DOT1L: variants seen among roughly 807,000 people sequenced by gnomAD.
DOT1L encodes the protein histone-lysine N-methyltransferase, H3 lysine-79 specific.
In DOT1L, 33 loss-of-function variants were observed where a neutral mutation model predicts 153.3. The observed-to-expected ratio is 0.22, with a 90% CI of 0.16 to 0.29. DOT1L has a LOEUF of 0.29. DOT1L is among the 10% of genes least tolerant of loss of function. The probability of loss-of-function intolerance (pLI) is 1.00; values close to 1 mark genes in which losing one functional copy is unlikely to be tolerated. For synonymous variants in DOT1L, 1,135 were observed against 965.1 expected (o/e 1.18, Z -3.26); for missense variants, 1,847 against 2,119.9 (o/e 0.87, Z 2.53).
intron 7 of DOT1L, among the ~76,000 whole-genome samples, chr19:2,199,191 C>A (rs1374056882): frequency 6.6e-6 from 1 of 152,234 alleles, no homozygotes; most frequent in Non-Finnish European, 1.5e-5. Flanking sequence ...GTCTTGAGGT[C>A]TGGAGGTGGA....
chr19:2,212,712 AG>A (rs1232543530), intron 16 of DOT1L: 1 of 152,304 alleles, frequency 6.6e-6, no homozygotes, highest in Non-Finnish European at 1.5e-5. Flanking sequence ...CGATCCAAGC[AG>A]GGGCCTAGTA....
At chr19:2,200,739 C>T (rs1335393010) in intron 8 of DOT1L, among the ~76,000 whole-genome samples, 1 of 151,384 alleles carries the variant, frequency 6.6e-6, no homozygotes, top group Non-Finnish European at 1.5e-5. Context: ...TCCTCATCTT[C>T]CCTGTATTCC....
At chr19:2,202,851 G>A (rs2023343848) in intron 9 of DOT1L, 72 bp downstream of exon 9, 3 of 1,526,940 alleles carry the variant, frequency 2.0e-6, no homozygotes, top group Non-Finnish European at 2.7e-6. Flanking sequence ...GGTCCCCGCA[G>A]GGTGTCCTGC....
Position 2,185,786 on chromosome 19 carries a change from A to G in DOT1L, c.126-69A>G, listed in dbSNP as rs144855675. On this transcript the variant is annotated intron_variant, in intron 2 of 27. Coordinates refer to ENST00000398665, the MANE Select transcript of DOT1L (RefSeq NM_032482.3). ...TCCGTCTCAAAACAAAAACAAAAAC[A>G]AAAACAAAACACAAAACAAAACAAA... The G allele has an allele frequency of 3.1e-4, 493 of 1,565,438 alleles. 2 individuals carry two copies. In the African/African-American group the frequency reaches 5.6e-3, roughly 18 times the overall value.
intron 1 of DOT1L, among the ~76,000 whole-genome samples, chr19:2,173,577 G>A (rs912078270): frequency 6.6e-6 from 1 of 152,172 alleles, no homozygotes; most frequent in Non-Finnish European, 1.5e-5. Context: ...AACCTGGAAC[G>A]TGCAGACACT....
intron 27 of DOT1L, chr19:2,228,614 G>A (rs952652861): frequency 3.6e-5 from 35 of 985,262 alleles, no homozygotes; most frequent in South Asian, 4.7e-5. Flanking sequence ...GGGTTCCTGC[G>A]GTGACGCCGC....
At chr19:2,182,783 T>G (rs2022302976) in intron 2 of DOT1L, among the ~76,000 whole-genome samples, 3 of 152,138 alleles carry the variant, frequency 2.0e-5, no homozygotes, top group Admixed American at 1.3e-4. Context: ...GGCCCCCGGA[T>G]CTCAGGCAGT....
intron 3 of DOT1L, among the ~76,000 whole-genome samples, chr19:2,189,304 C>T (rs1022158308): frequency 1.3e-5 from 2 of 152,280 alleles, no homozygotes; most frequent in East Asian, 1.9e-4. Context: ...AGACCCCAGC[C>T]GTTCACCTGC....
chr19:2,218,745 G>A (rs2024004107), intron 22 of DOT1L, among the ~76,000 whole-genome samples: 1 of 151,698 alleles, frequency 6.6e-6, no homozygotes, highest in South Asian at 2.1e-4. Flanking sequence ...CCCCCAGGCT[G>A]GAGTGCAATT....
rs564572542 is a variant in DOT1L at position 2,197,897 on chromosome 19, C to G, written c.652-1987C>G. On this transcript the variant is annotated intron_variant, in intron 7 of 27. Transcript: ENST00000398665. This position sits in a 1 kb window ranked among gnomAD's most constrained non-coding sequence, Gnocchi z 4.1. ...TGTTCCCTGCCCTTTCTGATGGAAA[C>G]TTGCATCTGATATTGGAGGAAACCC... 6.6e-6 allele frequency among the ~76,000 whole-genome samples: 1 copy of G among 152,302 alleles called. No individual in the cohort carries two copies. The highest frequency in any genetic ancestry group is 6.5e-5 in the Admixed American group (1 of 15,308).
At chr19:2,175,045 C>A (rs796614570) in intron 1 of DOT1L, among the ~76,000 whole-genome samples, 57 of 149,234 alleles carry the variant, frequency 3.8e-4, no homozygotes, top group African/African-American at 1.1e-3. Flanking sequence ...GTTGCCCAGG[C>A]TGGAGTGCAG....
chr19:2,181,045 G>T (rs375798260), intron 2 of DOT1L, among the ~76,000 whole-genome samples: 1 of 152,162 alleles, frequency 6.6e-6, no homozygotes, highest in East Asian at 1.9e-4. Flanking sequence ...TGGGTTTTGG[G>T]CCGACCTTCA....
chr19:2,183,478 C>G (rs997686172), intron 2 of DOT1L, among the ~76,000 whole-genome samples: 1 of 152,110 alleles, frequency 6.6e-6, no homozygotes, highest in Non-Finnish European at 1.5e-5. Flanking sequence ...CTGTCCTAGG[C>G]TCTCCTCGTT....
At chr19:2,202,817 A>G (rs766613632) in intron 9 of DOT1L, 38 bp downstream of exon 9, 2 of 1,611,450 alleles carry the variant, frequency 1.2e-6, no homozygotes, top group South Asian at 1.1e-5. Flanking sequence ...CTGGTGTGAC[A>G]TGATTGAGGA....
rs563180555 is a variant in DOT1L, at chr19:2,217,686, T to C, written c.2545-86T>C. The C allele has an allele frequency of 2.8e-5, 43 of 1,513,522 alleles. No homozygotes were observed. In the South Asian group the frequency reaches 4.1e-4, roughly 15 times the overall value. 93.8% of individuals were successfully genotyped at this position (1,513,522 alleles called of 1,614,324 possible). On this transcript the variant is annotated intron_variant, in intron 21 of 27. Transcript: ENST00000398665. This position sits in a 1 kb window ranked among gnomAD's most constrained non-coding sequence, Gnocchi z 7.3. ...CGTGGGGGCCGCCTTGAGAGAGCTGTAGCAGGCCCCCGTCCTGTGGCTGTG... is the reference window on the plus strand; with the variant it reads ...CGTGGGGGCCGCCTTGAGAGAGCTGCAGCAGGCCCCCGTCCTGTGGCTGTG...
At chr19:2,192,590 T>C (rs1205876752) in intron 5 of DOT1L, among the ~76,000 whole-genome samples, 3 of 151,282 alleles carry the variant, frequency 2.0e-5, no homozygotes, top group Non-Finnish European at 2.9e-5. Flanking sequence ...GGGGAATTGC[T>C]TGAACTTTGA....
At position 2,220,250 on chromosome 19, in the gene DOT1L, A is replaced by G; in HGVS notation, c.2806+28A>G. 2 of 1,594,992 alleles carry G rather than the reference A, an allele frequency of 1.3e-6. No individual in the cohort carries two copies. Among genetic ancestry groups the G allele is most frequent in the Non-Finnish European group, 1.7e-6 (2 of 1,168,688 alleles). On this transcript the variant is annotated intron_variant, in intron 23 of 27. Transcript: ENST00000398665. This position sits in a 1 kb window ranked among gnomAD's most constrained non-coding sequence, Gnocchi z 4.5. ...AACGCCCCTCCTGTGCCCTACCCTC[A>G]GGACTCTGCTGCTGCTGCTGCTCTT...
intron 1 of DOT1L, among the ~76,000 whole-genome samples, chr19:2,179,178 G>T (rs1375921347): frequency 1.3e-5 from 2 of 152,214 alleles, no homozygotes; most frequent in Non-Finnish European, 2.9e-5. Context: ...TTATACTGAG[G>T]TTCTGCATCC....
chr19:2,218,262 C>T (rs930755621), intron 22 of DOT1L, among the ~76,000 whole-genome samples: 1 of 152,268 alleles, frequency 6.6e-6, no homozygotes, highest in Admixed American at 6.5e-5. Context: ...TCTGGGTTCT[C>T]CCACCCAGCG....
Sources: allele counts gnomAD v4.1 joint callset (sites outside exome capture counted in the v4.1 genomes callset), GRCh38; gene constraint gnomAD v4.1.1; non-coding constraint Gnocchi (gnomAD v3.1); transcripts MANE v1.5; gene names NCBI Gene and HGNC (gene_info 2026-07-23, HGNC 2026-07-21).